The following NMBR variants were observed in gnomAD, a reference collection of about 807,000 sequenced individuals.
NMBR encodes the protein neuromedin-B receptor.
In NMBR, 16 loss-of-function variants were observed where a neutral mutation model predicts 20.5. The observed-to-expected ratio is 0.78, with a 90% confidence interval of 0.53 to 1.19. NMBR has a LOEUF of 1.19. Among genes scored for constraint, NMBR ranks in the 50% most tolerant of loss-of-function variants. The pLI, the probability that NMBR is intolerant of heterozygous loss-of-function variation, is 0.00. For synonymous variants in NMBR, 212 were observed against 196.6 expected (o/e 1.08, Z -0.65); for missense variants, 582 against 499.1 (o/e 1.17, Z -1.58).
Position 142,139,822 on chromosome 6 carries a change from A to C in NMBR, c.-664+7222T>G, listed in dbSNP as rs190775649. 5.8e-4 allele frequency among the ~76,000 whole-genome samples: 89 copies of C among 152,330 alleles called. 1 individual carries two copies. The highest frequency in any genetic ancestry group is 2.0e-3 in the African/African-American group (82 of 41,584). The stretch of plus-strand genomic sequence containing the variant: ...CTGAATAATAAATGCTATATATCAA[A>C]ATTCATATTCCAATATAAAAACTAA... On this transcript the variant is annotated intron_variant, in intron 1 of 3. Transcript: ENST00000258042.
At chr6:142,139,299 T>A (rs905187056) in intron 1 of NMBR, among the ~76,000 whole-genome samples, 4 of 152,168 alleles carry the variant, frequency 2.6e-5, no homozygotes, top group African/African-American at 9.7e-5. Flanking sequence ...GATTCATCCT[T>A]TAGGGTAGGG....
intron 1 of NMBR, among the ~76,000 whole-genome samples, chr6:142,091,900 C>A (rs770205522): frequency 9.2e-5 from 14 of 152,102 alleles, no homozygotes; most frequent in Non-Finnish European, 1.3e-4. Context: ...AATTCGTTGA[C>A]ATGAGTATTA....
At chr6:142,141,213 C>T (rs554573463) in intron 1 of NMBR, among the ~76,000 whole-genome samples, 309 of 152,126 alleles carry the variant, frequency 2.0e-3, no homozygotes, top group Non-Finnish European at 3.3e-3. Flanking sequence ...ATCATACAGA[C>T]TATAGTCTCT....
At chr6:142,115,340 C>A (rs1777832089) in intron 1 of NMBR, among the ~76,000 whole-genome samples, 1 of 151,812 alleles carries the variant, frequency 6.6e-6, no homozygotes, top group East Asian at 1.9e-4. Context: ...TGCAAAGGAT[C>A]CACATGCAGA....
intron 1 of NMBR, among the ~76,000 whole-genome samples, chr6:142,102,042 G>C (rs940096377): frequency 1.3e-5 from 2 of 152,084 alleles, no homozygotes; most frequent in Admixed American, 6.5e-5. Flanking sequence ...CCTTAGCCAG[G>C]GTTGTCATGA....
At chr6:142,077,398 A>C (rs1044415089) in intron 3 of NMBR, among the ~76,000 whole-genome samples, 1 of 152,224 alleles carries the variant, frequency 6.6e-6, no homozygotes, top group South Asian at 2.1e-4. Flanking sequence ...TACCTAATTG[A>C]GATACACAGG....
Position 142,088,262 on chromosome 6 carries a change from T to G in NMBR, c.397A>C (p.Thr133Pro). 8.7e-6 allele frequency: 14 copies of G among 1,612,532 alleles called. No individual in the cohort carries two copies. Among genetic ancestry groups the G allele is most frequent in the Non-Finnish European group, 1.2e-5 (14 of 1,179,886 alleles). ...CTGTCGGCGCTGAGGGCAGTGAGAG[T>G]GAACACGGAAACCCCCACGGAAGTG... ...QLTSVGVSVF[T>P]LTALSADRYR... The change falls in exon 2 of 4, where the codon ACT becomes CCT. Residue 133 changes from threonine (T) to proline (P), a missense_variant. By Grantham distance (38) the Thr-to-Pro change is conservative. Coordinates refer to ENST00000258042, the MANE Select transcript of NMBR (RefSeq NM_002511.4).
chr6:142,109,364 A>G (rs1262280683), intron 1 of NMBR, among the ~76,000 whole-genome samples: 1 of 152,178 alleles, frequency 6.6e-6, no homozygotes, highest in East Asian at 1.9e-4. Flanking sequence ...AGAAGTAAGA[A>G]AAAGATGCTT....
At chr6:142,080,983 A>G in intron 2 of NMBR, among the ~76,000 whole-genome samples, 1 of 152,240 alleles carries the variant, frequency 6.6e-6, no homozygotes, top group Non-Finnish European at 1.5e-5. Flanking sequence ...TGCTATAATA[A>G]AGTACCATAT....
At chr6:142,140,266 C>A (rs1425609420) in intron 1 of NMBR, among the ~76,000 whole-genome samples, 1 of 151,902 alleles carries the variant, frequency 6.6e-6, no homozygotes. Context: ...AATTGATAAA[C>A]CTCGGCAAAT....
intron 1 of NMBR, among the ~76,000 whole-genome samples, chr6:142,114,484 G>T (rs1452177487): frequency 2.6e-5 from 4 of 151,872 alleles, no homozygotes; most frequent in Non-Finnish European, 5.9e-5. Context: ...TCAAAGTCAG[G>T]GTATTAATAT....
At chr6:142,106,603 T>C (rs1309020836) in intron 1 of NMBR, among the ~76,000 whole-genome samples, 2 of 152,248 alleles carry the variant, frequency 1.3e-5, no homozygotes, top group African/African-American at 4.8e-5. Context: ...TTTAAATAGC[T>C]TTTCTTTTCC....
intron 1 of NMBR, among the ~76,000 whole-genome samples, chr6:142,109,746 G>A (rs1777726088): frequency 6.6e-6 from 1 of 152,000 alleles, no homozygotes; most frequent in African/African-American, 2.4e-5. Context: ...TAATTCCTAG[G>A]GGTATTGTAT....
At chr6:142,127,394 A>G (rs1778059501) in intron 1 of NMBR, among the ~76,000 whole-genome samples, 1 of 151,926 alleles carries the variant, frequency 6.6e-6, no homozygotes, top group Non-Finnish European at 1.5e-5. Context: ...TGTAGTCTTT[A>G]TAGTATATTT....
intron 1 of NMBR, among the ~76,000 whole-genome samples, chr6:142,093,821 C>T (rs1474399561): frequency 6.6e-6 from 1 of 152,108 alleles, no homozygotes; most frequent in Admixed American, 6.6e-5. Context: ...CCTGTTGTTT[C>T]CTGACTTTTT....
chr6:142,119,291 C>A (rs76975054), intron 1 of NMBR, among the ~76,000 whole-genome samples: 2,022 of 152,086 alleles, frequency 0.013, 53 homozygotes, highest in African/African-American at 0.046. Flanking sequence ...GCATTCACCA[C>A]ACCAGGATGG....
At chr6:142,092,694 G>A (rs1208630113) in intron 1 of NMBR, among the ~76,000 whole-genome samples, 2 of 152,134 alleles carry the variant, frequency 1.3e-5, no homozygotes, top group Non-Finnish European at 2.9e-5. Context: ...TAGAGAAAGA[G>A]TTTTCAGCCC....
intron 1 of NMBR, among the ~76,000 whole-genome samples, chr6:142,114,350 G>T (rs779561081): frequency 2.0e-5 from 3 of 151,538 alleles, no homozygotes; most frequent in Non-Finnish European, 4.4e-5. Context: ...ACATTTTTGT[G>T]GTTGGTAATC....
At chr6:142,142,871 G>A (rs1778380127) in intron 1 of NMBR, among the ~76,000 whole-genome samples, 1 of 152,174 alleles carries the variant, frequency 6.6e-6, no homozygotes, top group African/African-American at 2.4e-5. Flanking sequence ...GATCGCTTGA[G>A]TCTAGGAGTT....
Sources: allele counts gnomAD v4.1 joint callset (sites outside exome capture counted in the v4.1 genomes callset), GRCh38; gene constraint gnomAD v4.1.1; transcripts MANE v1.5; gene names NCBI Gene and HGNC (gene_info 2026-07-23, HGNC 2026-07-21).